The following NIPAL2 variants were observed in gnomAD, a reference collection of about 807,000 sequenced individuals.
NIPAL2 encodes the protein NIPA-like protein 2.
In NIPAL2, 43 loss-of-function variants were observed where a neutral mutation model predicts 48.9. The observed-to-expected ratio is 0.88, with a 90% confidence interval of 0.69 to 1.13. The LOEUF (loss-of-function observed/expected upper bound fraction) is 1.13, where lower values mean the gene tolerates loss of function less well. Among genes scored for constraint, NIPAL2 ranks in the 50% most tolerant of loss-of-function variants. The pLI, the probability that NIPAL2 is intolerant of heterozygous loss-of-function variation, is 0.00. For synonymous variants in NIPAL2, 167 were observed against 174.6 expected (o/e 0.96, Z 0.34); for missense variants, 446 against 461.4 (o/e 0.97, Z 0.31).
At chr8:98,193,302 T>A in intron 10 of NIPAL2, 1 of 1,492,164 alleles carries the variant, frequency 6.7e-7, no homozygotes, top group Non-Finnish European at 9.4e-7. Flanking sequence ...TCAGAGCCAC[T>A]ATCCCCACCC....
At chr8:98,216,402 A>C (rs1200981956) in intron 5 of NIPAL2, among the ~76,000 whole-genome samples, 2 of 152,256 alleles carry the variant, frequency 1.3e-5, no homozygotes, top group South Asian at 2.1e-4. Context: ...AGCTAGACAT[A>C]GGGCTCAGCC....
intron 1 of NIPAL2, among the ~76,000 whole-genome samples, chr8:98,273,038 A>G (rs183961711): frequency 6.6e-5 from 10 of 152,356 alleles, no homozygotes; most frequent in Admixed American, 4.6e-4. Flanking sequence ...GAAATAAAGC[A>G]TATGTTCACA....
intron 4 of NIPAL2, among the ~76,000 whole-genome samples, chr8:98,230,644 C>CA (rs1469346764): frequency 9.9e-5 from 15 of 152,156 alleles, no homozygotes; most frequent in African/African-American, 3.6e-4. Flanking sequence ...CAGCTGTGAG[C>CA]ATGCCTTTGT....
intron 3 of NIPAL2, among the ~76,000 whole-genome samples, chr8:98,244,916 T>C (rs1400140994): frequency 6.6e-6 from 1 of 152,212 alleles, no homozygotes; most frequent in Non-Finnish European, 1.5e-5. Context: ...AAAAATTTCA[T>C]CCATTTTCAT....
chr8:98,215,370 AT>A (rs1011623657), intron 5 of NIPAL2, among the ~76,000 whole-genome samples: 3 of 151,996 alleles, frequency 2.0e-5, no homozygotes, highest in African/African-American at 4.8e-5. Context: ...TTCTAGCAAC[AT>A]TTTTTTTCTC....
Position 98,252,590 on chromosome 8 carries a change from T to C in NIPAL2, c.249A>G (p.Pro83=). 6.2e-7 allele frequency: 1 copy of C among 1,613,352 alleles called. No individual in the cohort carries two copies. Among genetic ancestry groups the C allele is most frequent in the South Asian group, 1.1e-5 (1 of 90,882 alleles). ...CCCACCACAGCACACTCTTGAAGTA[T>C]GGCCTTGGGTGCTCTTGTTGTGCCA... The part of the protein sequence containing the change: ...LQLAQQEHPR[P]YFKSVLWWGG... Residue 83 remains proline (P), a synonymous_variant, in exon 3 of 11, where the codon CCA becomes CCG. Coordinates refer to ENST00000430223, the MANE Select transcript of NIPAL2 (RefSeq NM_001321635.2).
chr8:98,256,180 C>T (rs1469423840), intron 1 of NIPAL2, among the ~76,000 whole-genome samples: 8 of 152,068 alleles, frequency 5.3e-5, no homozygotes, highest in Non-Finnish European at 1.0e-4. Flanking sequence ...TGCACCACCA[C>T]ACCCAGCAAA....
chr8:98,280,759 TATAG>T (rs1264127492), intron 1 of NIPAL2, among the ~76,000 whole-genome samples: 319 of 31,274 alleles, frequency 0.01, 6 homozygotes, highest in Non-Finnish European at 0.015. Context: ...TATATATATA[TATAG>T]AGAGAGAGAG....
chr8:98,199,173 C>T (rs961734433), intron 8 of NIPAL2, among the ~76,000 whole-genome samples: 11 of 152,014 alleles, frequency 7.2e-5, no homozygotes, highest in African/African-American at 2.4e-4. Context: ...TCAGGCTGGT[C>T]TCGAACTCCC....
At chr8:98,221,851 T>C (rs992132989) in intron 5 of NIPAL2, among the ~76,000 whole-genome samples, 6 of 152,190 alleles carry the variant, frequency 3.9e-5, no homozygotes, top group African/African-American at 1.4e-4. Context: ...GTAAATTAGT[T>C]CAACCGTTGT....
chr8:98,240,302 A>T (rs1812919238), intron 3 of NIPAL2, among the ~76,000 whole-genome samples: 1 of 152,192 alleles, frequency 6.6e-6, no homozygotes, highest in Non-Finnish European at 1.5e-5. Flanking sequence ...TTGGTGCTTT[A>T]TTAAAAAGTA....
At chr8:98,214,167 CTT>C (rs71644509) in intron 5 of NIPAL2, among the ~76,000 whole-genome samples, 58,645 of 146,110 alleles carry the variant, frequency 0.4, 11,649 homozygotes, top group South Asian at 0.53. Context: ...GTTTTAACAT[CTT>C]TTTTTTTTTT....
intron 3 of NIPAL2, among the ~76,000 whole-genome samples, chr8:98,250,224 A>T (rs1586400487): frequency 6.6e-6 from 1 of 152,236 alleles, no homozygotes; most frequent in Non-Finnish European, 1.5e-5. Flanking sequence ...TTAAAATTCA[A>T]CGGGAGATTT....
At chr8:98,258,698 G>C (rs777749270) in intron 1 of NIPAL2, among the ~76,000 whole-genome samples, 37 of 152,132 alleles carry the variant, frequency 2.4e-4, no homozygotes, top group Non-Finnish European at 3.1e-4. Flanking sequence ...TGTTCAAACT[G>C]TGTTCAAATA....
At chr8:98,257,954 A>G (rs1426179339) in intron 1 of NIPAL2, among the ~76,000 whole-genome samples, 2 of 152,206 alleles carry the variant, frequency 1.3e-5, no homozygotes, top group African/African-American at 4.8e-5. Flanking sequence ...CCTAAAATGT[A>G]TAAAACCAAA....
intron 6 of NIPAL2, among the ~76,000 whole-genome samples, chr8:98,205,917 A>G (rs1236736396): frequency 6.6e-6 from 1 of 152,238 alleles, no homozygotes; most frequent in Non-Finnish European, 1.5e-5. Context: ...TAAGGTTTAC[A>G]TAAGCAATAG....
intron 8 of NIPAL2, among the ~76,000 whole-genome samples, chr8:98,201,743 ATTTAT>A (rs1447098279): frequency 8.5e-5 from 13 of 152,204 alleles, no homozygotes; most frequent in Non-Finnish European, 5.9e-5. Context: ...TCTTTTCTTA[ATTTAT>A]TAACTAGCTT....
chr8:98,263,494 C>T (rs1194585208), intron 1 of NIPAL2, among the ~76,000 whole-genome samples: 1 of 150,714 alleles, frequency 6.6e-6, no homozygotes, highest in Admixed American at 6.6e-5. Flanking sequence ...GAGAATACTA[C>T]AAACACCTCT....
At chr8:98,284,058 T>A (rs566888845) in intron 1 of NIPAL2, among the ~76,000 whole-genome samples, 1 of 152,254 alleles carries the variant, frequency 6.6e-6, no homozygotes, top group African/African-American at 2.4e-5. Context: ...GCTAATTTCC[T>A]CATCCCCAAG....
Sources: allele counts gnomAD v4.1 joint callset (sites outside exome capture counted in the v4.1 genomes callset), GRCh38; gene constraint gnomAD v4.1.1; transcripts MANE v1.5; gene names NCBI Gene and HGNC (gene_info 2026-07-23, HGNC 2026-07-21).